CFTR: variants seen among roughly 807,000 people sequenced by gnomAD.
The protein encoded by CFTR is CF transmembrane conductance regulator, also known as cystic fibrosis transmembrane conductance regulator.
Under a neutral mutation model 171.6 loss-of-function variants are expected in CFTR, and 181 were observed. That is an observed-to-expected ratio of 1.05 (90% CI 0.93 to 1.19). The LOEUF (loss-of-function observed/expected upper bound fraction) is 1.19. Among genes scored for constraint, CFTR ranks in the 50% most tolerant of loss-of-function variants. The pLI, the probability that CFTR is intolerant of heterozygous loss-of-function variation, is 0.00. For missense variants in CFTR, 1,968 were observed against 1,734.7 expected (o/e 1.13, Z -2.39); for synonymous variants, 583 against 608.0 (o/e 0.96, Z 0.60).
At chr7:117,491,992 G>A (rs1370302909) in intron 1 of CFTR, among the ~76,000 whole-genome samples, 2 of 152,008 alleles carry the variant, frequency 1.3e-5, no homozygotes, top group Non-Finnish European at 2.9e-5. Flanking sequence ...AAATAGCATG[G>A]AGACATTGCA....
intron 23 of CFTR, among the ~76,000 whole-genome samples, chr7:117,649,284 G>A (rs1793046769): frequency 6.7e-6 from 1 of 150,022 alleles, no homozygotes; most frequent in African/African-American, 2.4e-5. Context: ...TGGGATGTGT[G>A]TGTGTGTGTG....
chr7:117,485,657 A>G (rs1294432683), intron 1 of CFTR, among the ~76,000 whole-genome samples: 1 of 152,146 alleles, frequency 6.6e-6, no homozygotes, highest in Non-Finnish European at 1.5e-5. Flanking sequence ...AGATTGCTTG[A>G]TGTAGAGAAT....
rs144833422 is a variant in CFTR, at chr7:117,661,360, A to T, written c.3964-3328A>T. ...GTTCTCTAAATATTGACAGTTATAT[A>T]TAAATTTATGTAATTGTTTACTTCT... On this transcript the variant is annotated intron_variant, in intron 24 of 26. Coordinates refer to ENST00000003084, the MANE Select transcript of CFTR (RefSeq NM_000492.4). Among the ~76,000 whole-genome samples the T allele has an allele frequency of 5.5e-4, 84 of 152,328 alleles. 3 individuals carry two copies. In the East Asian group the frequency reaches 0.015, roughly 27 times the overall value.
intron 15 of CFTR, among the ~76,000 whole-genome samples, chr7:117,600,291 T>C (rs888466144): frequency 2.0e-5 from 3 of 152,008 alleles, no homozygotes; most frequent in Admixed American, 6.6e-5. Context: ...AAAAAATCTA[T>C]TATGTTAATT....
At chr7:117,481,056 T>C (rs1197808613) in intron 1 of CFTR, among the ~76,000 whole-genome samples, 1 of 152,160 alleles carries the variant, frequency 6.6e-6, no homozygotes, top group African/African-American at 2.4e-5. Context: ...CATACTGAGG[T>C]ATCAAAAAAG....
At chr7:117,569,977 A>T (rs1235368378) in intron 11 of CFTR, among the ~76,000 whole-genome samples, 1 of 152,080 alleles carries the variant, frequency 6.6e-6, no homozygotes, top group African/African-American at 2.4e-5. Context: ...CAATAATATG[A>T]TGTTTCAGCA....
Position 117,664,800 on chromosome 7 carries a change from C to G in CFTR, c.4076C>G (p.Ser1359Cys), listed in dbSNP as rs1429889418. The G allele has an allele frequency of 1.2e-6, 2 of 1,614,066 alleles. No individual in the cohort carries two copies. The highest frequency in any genetic ancestry group is 1.7e-6 in the Non-Finnish European group (2 of 1,179,940). Reference protein sequence around the residue: ...GHKQLMCLARSVLSKAKILLL... With the variant: ...GHKQLMCLARCVLSKAKILLL... ...AAGCAGTTGATGTGCTTGGCTAGAT[C>G]TGTTCTCAGTAAGGCGAAGATCTTG... The change falls in exon 25 of 27, where the codon TCT (serine) becomes TGT (cysteine). Residue 1359 changes from serine to cysteine, a missense_variant. Transcript: ENST00000003084.
Position 117,667,436 on chromosome 7 carries a change from A to G in CFTR, c.*328A>G, listed in dbSNP as rs887937971. 7 of 370,784 alleles carry G rather than the reference A, an allele frequency of 1.9e-5. No homozygotes were observed. The highest frequency in any genetic ancestry group is 3.1e-5 in the Non-Finnish European group (6 of 191,894). 23.0% of individuals were successfully genotyped at this position (370,784 alleles called of 1,614,324 possible). A position where few individuals can be genotyped will look rare whatever the true frequency, so the allele number is the denominator to read the frequency against. On this transcript the variant is annotated 3_prime_UTR_variant, in exon 27 of 27. Coordinates refer to ENST00000003084, the MANE Select transcript of CFTR (RefSeq NM_000492.4). Reference sequence around the variant, plus strand: ...GGAAAGGCAGCTCTAAATGTCAATCAGCCTAGTTGATCAGCTTATTGTCTA... The same window carrying G: ...GGAAAGGCAGCTCTAAATGTCAATCGGCCTAGTTGATCAGCTTATTGTCTA...
At chr7:117,564,821 T>A (rs1024969339) in intron 11 of CFTR, 5 of 163,260 alleles carry the variant, frequency 3.1e-5, no homozygotes, top group African/African-American at 7.2e-5. Flanking sequence ...GGAGAAAGCA[T>A]GCACAACATA....
At position 117,595,074 on chromosome 7, in the gene CFTR, T is replaced by C. The variant is rs751295370; in HGVS notation, c.2619+16T>C. ...TCTGGCAGAGGTAAGAATGTTCTAT[T>C]GTAAAGTATTACTGGATTTAAAGTT... On this transcript the variant is annotated intron_variant, in intron 15 of 26. Transcript: ENST00000003084. The C allele has an allele frequency of 3.7e-6, 6 of 1,604,732 alleles. No homozygotes were observed. The highest frequency in any genetic ancestry group is 5.1e-6 in the Non-Finnish European group (6 of 1,172,850).
At chr7:117,485,840 TA>T (rs1263198529) in intron 1 of CFTR, among the ~76,000 whole-genome samples, 1 of 152,208 alleles carries the variant, frequency 6.6e-6, no homozygotes, top group African/African-American at 2.4e-5. Flanking sequence ...GGGCCTTTTC[TA>T]ATTTGTTTAG....
At position 117,548,333 on chromosome 7, in the gene CFTR, G is replaced by GGTGTGT. The variant is rs3034794; in HGVS notation, c.1210-281_1210-276dup. Reference sequence around the variant, plus strand: ...ATGTACCCCGCTTATAGGAGAAGAGGGTGTGTGTGTGTGTGTGTGTGTGTG... The same window carrying GGTGTGT: ...ATGTACCCCGCTTATAGGAGAAGAGGGTGTGTGTGTGTGTGTGTGTGTGTGTGTGTG... On this transcript the variant is annotated intron_variant, in intron 9 of 26. Coordinates refer to ENST00000003084, the MANE Select transcript of CFTR (RefSeq NM_000492.4). Among the ~76,000 whole-genome samples, 847 of 144,152 alleles carry GGTGTGT rather than the reference G, an allele frequency of 5.9e-3. 9 individuals carry two copies. The highest frequency in any genetic ancestry group is 0.019 in the African/African-American group (760 of 39,102). 94.6% of individuals were successfully genotyped at this position (144,152 alleles called of 152,430 possible). A position where few individuals can be genotyped will look rare whatever the true frequency, so the allele number is the denominator to read the frequency against.
intron 23 of CFTR, among the ~76,000 whole-genome samples, chr7:117,643,625 T>C (rs1370614325): frequency 6.6e-6 from 1 of 152,130 alleles, no homozygotes; most frequent in Non-Finnish European, 1.5e-5. Flanking sequence ...CAGTATTGTT[T>C]CTTCAGAAAG....
intron 22 of CFTR, among the ~76,000 whole-genome samples, chr7:117,628,551 A>G (rs1792691126): frequency 6.6e-6 from 1 of 152,168 alleles, no homozygotes; most frequent in African/African-American, 2.4e-5. Context: ...CTGAATTTTA[A>G]AACTTTATCT....
intron 11 of CFTR, among the ~76,000 whole-genome samples, chr7:117,587,031 G>C (rs989884732): frequency 6.6e-6 from 1 of 152,136 alleles, no homozygotes; most frequent in Admixed American, 6.6e-5. Context: ...ACAATGCCTA[G>C]GAGTCAAGGA....
chr7:117,524,922 A>T (rs1056379239), intron 3 of CFTR, among the ~76,000 whole-genome samples: 1 of 152,240 alleles, frequency 6.6e-6, no homozygotes, highest in African/African-American at 2.4e-5. Context: ...TTTATATAAA[A>T]TTTAAAAACC....
intron 4 of CFTR, 58 bp downstream of exon 4, chr7:117,531,172 A>G (rs1300343182): frequency 7.4e-7 from 1 of 1,344,092 alleles, no homozygotes; most frequent in African/African-American, 1.4e-5. Flanking sequence ...ACATGTTTTA[A>G]TGTCATAAAT....
intron 11 of CFTR, among the ~76,000 whole-genome samples, chr7:117,568,917 T>C (rs924059622): frequency 1.3e-5 from 2 of 152,196 alleles, no homozygotes; most frequent in African/African-American, 4.8e-5. Flanking sequence ...CTCCTCCCCA[T>C]GCCAAGTTTC....
At position 117,516,755 on chromosome 7, in the gene CFTR, A is replaced by T. The variant is rs115352857; in HGVS notation, c.273+7613A>T. On this transcript the variant is annotated intron_variant, in intron 3 of 26. Transcript: ENST00000003084. ...TAGGCATGCAATGTGAAATAAGCACATCATAGAGAATGGGGTATCCATCCC... is the reference window on the plus strand; with the variant it reads ...TAGGCATGCAATGTGAAATAAGCACTTCATAGAGAATGGGGTATCCATCCC... Among the ~76,000 whole-genome samples, 807 of 152,296 alleles carry T rather than the reference A, an allele frequency of 5.3e-3. 8 individuals are homozygous for T. The highest frequency in any genetic ancestry group is 0.018 in the African/African-American group (764 of 41,566).
Sources: gnomAD v4.1 joint callset for allele counts (sites outside exome capture counted in the v4.1 genomes callset) on GRCh38, gnomAD v4.1.1 for gene constraint, MANE v1.5 for transcripts, NCBI Gene and HGNC (gene_info 2026-07-23, HGNC 2026-07-21) for gene names.